The following BIRC6 variants were observed in gnomAD, a reference collection of about 807,000 sequenced individuals.
The protein encoded by BIRC6 is baculoviral IAP repeat containing 6.
In BIRC6, 98 loss-of-function variants were observed where a neutral mutation model predicts 503.3. The ratio of observed to expected loss-of-function variants is 0.19; its 90% CI spans 0.17 to 0.23. BIRC6 has a LOEUF of 0.23. Among genes scored for constraint, BIRC6 ranks in the 10% least tolerant of loss-of-function variants. The probability of loss-of-function intolerance (pLI) is 1.00; values close to 1 mark genes in which losing one functional copy is unlikely to be tolerated. For synonymous variants in BIRC6, 2,240 were observed against 2,078.7 expected (o/e 1.08, Z -2.11); for missense variants, 5,360 against 5,806.0 (o/e 0.92, Z 2.50).
At chr2:32,504,232 A>G (rs1345157120) in intron 49 of BIRC6, among the ~76,000 whole-genome samples, 2 of 151,878 alleles carry the variant, frequency 1.3e-5, no homozygotes, top group Non-Finnish European at 2.9e-5. Context: ...AAAGTTTTGA[A>G]TTTAGGTATT....
intron 65 of BIRC6, among the ~76,000 whole-genome samples, chr2:32,573,316 G>T (rs2060044719): frequency 6.6e-6 from 1 of 152,118 alleles, no homozygotes; most frequent in Non-Finnish European, 1.5e-5. Context: ...TCCTGCCTCA[G>T]TCTCCTGAGT....
At chr2:32,573,601 C>T (rs1035765277) in intron 65 of BIRC6, among the ~76,000 whole-genome samples, 26 of 152,102 alleles carry the variant, frequency 1.7e-4, no homozygotes, top group African/African-American at 6.0e-4. Flanking sequence ...GTATACAACA[C>T]AAAACCCAAC....
intron 51 of BIRC6, 125 bp from the exon 52 acceptor site, chr2:32,509,613 A>T: frequency 9.1e-7 from 1 of 1,097,982 alleles, no homozygotes; most frequent in Non-Finnish European, 1.3e-6. Flanking sequence ...ATTCTAAAAA[A>T]ACATGTCTTA....
At chr2:32,598,037 A>G (rs2061787299) in intron 69 of BIRC6, 69 bp downstream of exon 69, 1 of 1,318,322 alleles carries the variant, frequency 7.6e-7, no homozygotes. Context: ...AAATTTTTAT[A>G]CAAAACTGGA....
intron 72 of BIRC6, 125 bp downstream of exon 72, chr2:32,607,768 A>G (rs1310729129): frequency 1.5e-6 from 1 of 667,638 alleles, no homozygotes; most frequent in African/African-American, 1.8e-5. Flanking sequence ...ACTTCAGGTC[A>G]GGAGTCTGAG....
intron 1 of BIRC6, among the ~76,000 whole-genome samples, chr2:32,374,825 C>CA (rs2036510318): frequency 6.6e-6 from 1 of 152,076 alleles, no homozygotes; most frequent in South Asian, 2.1e-4. Flanking sequence ...AGGCTGGTCT[C>CA]AAACTCCTGG....
At chr2:32,414,721 G>T in intron 9 of BIRC6, 48 bp from the exon 10 acceptor site, 1 of 1,416,556 alleles carries the variant, frequency 7.1e-7, no homozygotes, top group South Asian at 1.3e-5. Flanking sequence ...ATAATGTGCT[G>T]ACTGGATGAG....
In BIRC6 at chr2:32,618,012, C is replaced by A; in HGVS notation, c.*108C>A. The A allele has an allele frequency of 9.2e-7, 1 of 1,082,510 alleles. No homozygotes were observed. The highest frequency in any genetic ancestry group is 1.3e-6 in the Non-Finnish European group (1 of 764,094). The allele number at this position is 1,082,510 out of a possible 1,614,324, so 67.1% of individuals were successfully genotyped here. On this transcript the variant is annotated 3_prime_UTR_variant, in exon 74 of 74. Coordinates refer to ENST00000421745, the MANE Select transcript of BIRC6 (RefSeq NM_016252.4). Reference sequence around the variant, plus strand: ...TATGTAATAGGTAATGAAACTGAAACTATACTATGCCCTTAAGGAGATCCA... The same window carrying A: ...TATGTAATAGGTAATGAAACTGAAAATATACTATGCCCTTAAGGAGATCCA...
At chr2:32,399,478 A>G (rs944499978) in intron 6 of BIRC6, among the ~76,000 whole-genome samples, 6 of 152,146 alleles carry the variant, frequency 3.9e-5, no homozygotes, top group African/African-American at 9.7e-5. Flanking sequence ...CTGCAGCCTC[A>G]TATTCTTGGG....
At chr2:32,549,521 T>C (rs775657308) in intron 65 of BIRC6, 40 bp downstream of exon 65, 1 of 1,321,438 alleles carries the variant, frequency 7.6e-7, no homozygotes, top group Non-Finnish European at 9.9e-7. Context: ...ATGAATAATT[T>C]TGTTTGCTTA....
intron 71 of BIRC6, among the ~76,000 whole-genome samples, chr2:32,605,876 A>C (rs1298221448): frequency 6.6e-6 from 1 of 152,138 alleles, no homozygotes; most frequent in South Asian, 2.1e-4. Flanking sequence ...AAATAAATAA[A>C]AATTAAAAAT....
At chr2:32,514,038 T>C (rs1213252267) in intron 54 of BIRC6, among the ~76,000 whole-genome samples, 1 of 151,470 alleles carries the variant, frequency 6.6e-6, no homozygotes, top group Non-Finnish European at 1.5e-5. Flanking sequence ...TACCCCAGCC[T>C]GGGCAACAGA....
intron 45 of BIRC6, 87 bp downstream of exon 45, chr2:32,493,754 T>G (rs1372601978): frequency 1.8e-6 from 2 of 1,132,348 alleles, no homozygotes; most frequent in Non-Finnish European, 2.5e-6. Context: ...TGTTGGGAAT[T>G]TATCTGTGAA....
Position 32,468,047 on chromosome 2 carries a change from A to C in BIRC6, c.5716A>C (p.Asn1906His). ...DPLKGEGESA[N>H]QPEIDQHLAM... The stretch of plus-strand genomic sequence containing the variant: ...TCTAAAGGGAGAGGGAGAATCTGCA[A>C]ACCAGCCAGAAATTGACCAGCATTT... Residue 1906 changes from asparagine (N) to histidine (H), a missense_variant, in exon 28 of 74, where the codon AAC becomes CAC. Physicochemically the swap from Asn to His is moderately conservative, Grantham distance 68. This residue lies in a region of BIRC6 where 2,299 missense variants were observed against 2,267.2 expected (regional missense o/e 1.01). Transcript: ENST00000421745. 2 of 1,613,952 alleles carry C rather than the reference A, an allele frequency of 1.2e-6. No homozygotes were observed. The highest frequency in any genetic ancestry group is 1.1e-5 in the South Asian group (1 of 91,068).
chr2:32,613,712 C>A (rs566294689), intron 73 of BIRC6, among the ~76,000 whole-genome samples: 3 of 152,188 alleles, frequency 2.0e-5, no homozygotes, highest in Non-Finnish European at 4.4e-5. Flanking sequence ...CTGCGTCTAC[C>A]TGTTAAAACA....
chr2:32,437,899 G>C (rs996863215), intron 15 of BIRC6, among the ~76,000 whole-genome samples: 3 of 152,166 alleles, frequency 2.0e-5, no homozygotes, highest in African/African-American at 7.2e-5. Flanking sequence ...TATAGGTTTT[G>C]TTCAATGAGA....
In BIRC6 at chr2:32,412,014, A is replaced by G. The variant is rs553769698; in HGVS notation, c.1478-2755A>G. ...AGGCTGGTCTTGAACGGAACTCCTA[A>G]TCTAAAAGGATCCTTCCACCTCAGC... On this transcript the variant is annotated intron_variant, in intron 9 of 73. Coordinates refer to ENST00000421745, the MANE Select transcript of BIRC6 (RefSeq NM_016252.4). Among the ~76,000 whole-genome samples, 7 of 152,020 alleles carry G rather than the reference A, an allele frequency of 4.6e-5. No individual in the cohort carries two copies. In the East Asian group the frequency reaches 9.7e-4, roughly 21 times the overall value.
At chr2:32,600,091 TAAG>T (rs1006582540) in intron 70 of BIRC6, among the ~76,000 whole-genome samples, 191 bp downstream of exon 70, 8 of 152,228 alleles carry the variant, frequency 5.3e-5, no homozygotes, top group African/African-American at 1.7e-4. Context: ...AAGTGTTAAT[TAAG>T]AAGCACTTAC....
At chr2:32,487,943 G>A in intron 41 of BIRC6, 142 bp downstream of exon 41, 1 of 680,906 alleles carries the variant, frequency 1.5e-6, no homozygotes, top group Non-Finnish European at 2.4e-6. Context: ...GAAATACTTT[G>A]ATTACCAAAG....
Sources: gnomAD v4.1 joint callset for allele counts (sites outside exome capture counted in the v4.1 genomes callset) on GRCh38, gnomAD v4.1.1 for gene constraint, gnomAD v4.1.1 regional missense constraint, MANE v1.5 for transcripts, NCBI Gene and HGNC (gene_info 2026-07-23, HGNC 2026-07-21) for gene names.